The following BCAS3 variants were observed in gnomAD, a reference collection of about 807,000 sequenced individuals.
BCAS3 encodes the protein BCAS4/BCAS3 fusion.
Under a neutral mutation model 116.1 loss-of-function variants are expected in BCAS3, and 53 were observed. The ratio of observed to expected loss-of-function variants is 0.46; its 90% confidence interval spans 0.37 to 0.57. The LOEUF is 0.57. Among genes scored for constraint, BCAS3 ranks in the 20% least tolerant of loss-of-function variants. The pLI is 0.00. For synonymous variants in BCAS3, 391 were observed against 408.2 expected, an observed-to-expected ratio of 0.96 and a Z score of 0.51; for missense variants, 917 against 1,165.4, an observed-to-expected ratio of 0.79 and a Z score of 3.10.
At chr17:60,959,085 G>A (rs994033799) in intron 14 of BCAS3, among the ~76,000 whole-genome samples, 1 of 152,020 alleles carries the variant, frequency 6.6e-6, no homozygotes, top group Non-Finnish European at 1.5e-5. Context: ...TGGGAGGATC[G>A]GTTGACCCCA....
At chr17:61,035,814 T>C (rs2066983777) in intron 17 of BCAS3, among the ~76,000 whole-genome samples, 1 of 152,150 alleles carries the variant, frequency 6.6e-6, no homozygotes, top group African/African-American at 2.4e-5. Flanking sequence ...AATGGGTTGG[T>C]AGCGTATACA....
rs774702491 is a variant in BCAS3, at chr17:61,098,400, T to C, written c.2425+13836T>C. ...ACATTGTATTTTTGGTTTTGGGTGC[T>C]GAAGTTCTAATCTTACCTCTGAAGT... On this transcript the variant is annotated intron_variant, in intron 22 of 23. Transcript: ENST00000407086. The surrounding 1 kb of genome is among the most constrained non-coding windows in gnomAD (Gnocchi z 4.2). Among the ~76,000 whole-genome samples the C allele has an allele frequency of 6.6e-6, 1 of 152,206 alleles. No individual in the cohort carries two copies. Among genetic ancestry groups the C allele is most frequent in the African/African-American group, 2.4e-5 (1 of 41,458 alleles).
rs185216952 is a variant in BCAS3 at position 61,211,805 on chromosome 17, T to C, written c.2425+127241T>C. ...CTCATCTGAAGGTCCAGAGTATGTT[T>C]ACTGGGTAAAATATTTCAGGCATAG... On this transcript the variant is annotated intron_variant, in intron 22 of 23. Coordinates refer to ENST00000407086, the MANE Select transcript of BCAS3 (RefSeq NM_017679.5). The surrounding 1 kb of genome is among the most constrained non-coding windows in gnomAD (Gnocchi z 4.4). Among the ~76,000 whole-genome samples, 7 of 152,354 alleles carry C rather than the reference T, an allele frequency of 4.6e-5. No individual in the cohort carries two copies. In the East Asian group the frequency reaches 1.3e-3, roughly 29 times the overall value.
At chr17:60,985,773 G>A (rs1415570360) in intron 14 of BCAS3, among the ~76,000 whole-genome samples, 1 of 152,078 alleles carries the variant, frequency 6.6e-6, no homozygotes, top group Non-Finnish European at 1.5e-5. Context: ...GTTTCGCTCT[G>A]TCGCCCAGCC....
chr17:60,803,549 T>C (rs192549779), intron 6 of BCAS3, among the ~76,000 whole-genome samples: 96 of 152,260 alleles, frequency 6.3e-4, no homozygotes, highest in African/African-American at 2.2e-3. Flanking sequence ...ATATTTTTTT[T>C]CCTAGAATTT....
chr17:61,015,559 A>G (rs2065399264), intron 15 of BCAS3, among the ~76,000 whole-genome samples, 192 bp from the exon 16 acceptor site: 1 of 152,196 alleles, frequency 6.6e-6, no homozygotes, highest in Non-Finnish European at 1.5e-5. Context: ...GATTACAGTC[A>G]TGAGCTATCC....
intron 6 of BCAS3, among the ~76,000 whole-genome samples, chr17:60,805,504 C>T (rs906352709): frequency 6.6e-6 from 1 of 152,090 alleles, no homozygotes; most frequent in Non-Finnish European, 1.5e-5. Flanking sequence ...TTTACATGTG[C>T]ATGTGTGTCC....
intron 22 of BCAS3, among the ~76,000 whole-genome samples, chr17:61,232,937 G>A (rs535284359): frequency 3.1e-4 from 47 of 152,302 alleles, no homozygotes; most frequent in African/African-American, 1.1e-3. Flanking sequence ...GCCGGCATCA[G>A]TTGGGAATTT....
intron 22 of BCAS3, among the ~76,000 whole-genome samples, chr17:61,322,834 GAGAGAGAGAGAGAGAGAGAGAC>G (rs1568850659): frequency 4.2e-4 from 56 of 131,810 alleles, no homozygotes; most frequent in South Asian, 1.4e-3. Context: ...GAGAGACAGA[GAGAGAGAGAGAGAGAGAGAGAC>G]AGAGAGAGAG....
rs959748767 is a variant in BCAS3, at chr17:61,281,810, G to A, written c.2426-86517G>A. Among the ~76,000 whole-genome samples, 6 of 151,938 alleles carry A rather than the reference G, an allele frequency of 3.9e-5. No individual in the cohort carries two copies. Among genetic ancestry groups the A allele is most frequent in the African/African-American group, 1.5e-4 (6 of 41,374 alleles). ...TTTTATGTGTTTATCAATAATTTCT[G>A]GGGTTTGTATCATATTAAGTATAGC... is the stretch of plus-strand genomic sequence containing the variant. On this transcript the variant is annotated intron_variant, in intron 22 of 23. Coordinates refer to ENST00000407086, the MANE Select transcript of BCAS3 (RefSeq NM_017679.5). This position sits in a 1 kb window ranked among gnomAD's most constrained non-coding sequence, Gnocchi z 4.2.
rs1373091205 is a variant in BCAS3 at position 61,004,270 on chromosome 17, A to G, written c.1487-11481A>G. Among the ~76,000 whole-genome samples the G allele has an allele frequency of 6.6e-6, 1 of 152,140 alleles. No homozygotes were observed. The highest frequency in any genetic ancestry group is 1.5e-5 in the Non-Finnish European group (1 of 68,006). On this transcript the variant is annotated intron_variant, in intron 15 of 23. Coordinates refer to ENST00000407086, the MANE Select transcript of BCAS3 (RefSeq NM_017679.5). This position sits in a 1 kb window ranked among gnomAD's most constrained non-coding sequence, Gnocchi z 4.8. The stretch of plus-strand genomic sequence containing the variant: ...AAGTGAATGAATGTAAAAACTACTT[A>G]TTCAGATAAAGAAGTGCAAATGGGT...
At chr17:60,925,883 A>G (rs1408586686) in intron 13 of BCAS3, among the ~76,000 whole-genome samples, 1 of 152,068 alleles carries the variant, frequency 6.6e-6, no homozygotes, top group African/African-American at 2.4e-5. Flanking sequence ...ATTTGCATAT[A>G]TAATGAGTTA....
At chr17:61,240,623 C>G (rs2047432769) in intron 22 of BCAS3, among the ~76,000 whole-genome samples, 1 of 152,190 alleles carries the variant, frequency 6.6e-6, no homozygotes, top group African/African-American at 2.4e-5. Context: ...CACTGCACTC[C>G]AGCCTAGGCA....
In BCAS3 at chr17:60,994,203, T is replaced by C. The variant is rs1367921894; in HGVS notation, c.1486+3968T>C. 6.6e-6 allele frequency among the ~76,000 whole-genome samples: 1 copy of C among 152,072 alleles called. No homozygotes were observed. The highest frequency in any genetic ancestry group is 1.5e-5 in the Non-Finnish European group (1 of 67,968). Reference sequence around the variant, plus strand: ...ATATATCTTGAAGTATCTTGCATTATTGAATATATTTTAAAATATTGTTTT... The same window carrying C: ...ATATATCTTGAAGTATCTTGCATTACTGAATATATTTTAAAATATTGTTTT... On this transcript the variant is annotated intron_variant, in intron 15 of 23. Coordinates refer to ENST00000407086, the MANE Select transcript of BCAS3 (RefSeq NM_017679.5). This position sits in a 1 kb window ranked among gnomAD's most constrained non-coding sequence, Gnocchi z 4.4.
intron 7 of BCAS3, among the ~76,000 whole-genome samples, chr17:60,823,774 A>C (rs1049857595): frequency 6.6e-6 from 1 of 152,220 alleles, no homozygotes; most frequent in Non-Finnish European, 1.5e-5. Context: ...CCAATGGTGC[A>C]TTAATATTGT....
In BCAS3 at chr17:60,748,827, A is replaced by G. The variant is rs547324084; in HGVS notation, c.403+1548A>G. The G allele has an allele frequency of 2.1e-4, 32 of 152,216 alleles. 1 individual carries two copies. The highest frequency in any genetic ancestry group is 2.6e-4 in the Non-Finnish European group (18 of 68,042). 9.4% of individuals were successfully genotyped at this position (152,216 alleles called of 1,614,324 possible). A position where few individuals can be genotyped will look rare whatever the true frequency, so the allele number is the denominator to read the frequency against. On this transcript the variant is annotated intron_variant, in intron 6 of 23. Coordinates refer to ENST00000407086, the MANE Select transcript of BCAS3 (RefSeq NM_017679.5). ...CCTTCACTATAATGTATTTATTTAA[A>G]AACATATTGTTAGATTTAAAATGTA...
intron 22 of BCAS3, among the ~76,000 whole-genome samples, chr17:61,287,244 A>T (rs1031179349): frequency 7.1e-6 from 1 of 141,358 alleles, no homozygotes. Context: ...CCAGACTCTT[A>T]AAAAAAAAAA....
rs142198764 is a variant in BCAS3 at position 60,941,768 on chromosome 17, T to C, written c.1088-5451T>C. Among the ~76,000 whole-genome samples, 902 of 152,312 alleles carry C rather than the reference T, an allele frequency of 5.9e-3. 9 individuals carry two copies. The highest frequency in any genetic ancestry group is 0.02 in the African/African-American group (848 of 41,562). The stretch of plus-strand genomic sequence containing the variant: ...GCCAGTTTGAAAAGCTAGGAACATA[T>C]GGGAACGTGTTCATTTGTGATTTTC... On this transcript the variant is annotated intron_variant, in intron 13 of 23. Transcript: ENST00000407086.
At chr17:60,846,405 A>C (rs1187340978) in intron 7 of BCAS3, among the ~76,000 whole-genome samples, 1 of 152,216 alleles carries the variant, frequency 6.6e-6, no homozygotes, top group Non-Finnish European at 1.5e-5. Context: ...TCAATGTTGA[A>C]ATAATCTGTA....
Sources: gnomAD v4.1 joint callset for allele counts (sites outside exome capture counted in the v4.1 genomes callset) on GRCh38, gnomAD v4.1.1 for gene constraint, Gnocchi (gnomAD v3.1) non-coding constraint, MANE v1.5 for transcripts, NCBI Gene and HGNC (gene_info 2026-07-23, HGNC 2026-07-21) for gene names.